KLHDC8A: variants seen among roughly 807,000 people sequenced by gnomAD.
KLHDC8A encodes kelch domain-containing protein 8A.
A neutral mutation model predicts 33.1 loss-of-function variants in KLHDC8A; 21 were observed. The observed-to-expected ratio is 0.64, with a 90% CI of 0.45 to 0.91. The LOEUF is 0.91. KLHDC8A is among the 40% of genes least tolerant of loss of function. The probability of loss-of-function intolerance (pLI) is 0.00; values close to 1 mark genes in which losing one functional copy is unlikely to be tolerated. For missense variants in KLHDC8A, 435 were observed against 483.3 expected, an observed-to-expected ratio of 0.90 and a Z score of 0.94; for synonymous variants, 173 against 193.5, an observed-to-expected ratio of 0.89 and a Z score of 0.88.
At chr1:205,343,899 C>A (rs948635111) in intron 1 of KLHDC8A, 106 bp from the exon 2 acceptor site, 7 of 378,850 alleles carry the variant, frequency 1.8e-5, no homozygotes, top group African/African-American at 1.5e-4. Flanking sequence ...GAAGACGCGG[C>A]GGCGGAGGGC....
chr1:205,349,568 C>T (rs1477181537), intron 1 of KLHDC8A, among the ~76,000 whole-genome samples: 1 of 152,238 alleles, frequency 6.6e-6, no homozygotes, highest in East Asian at 1.9e-4. Context: ...ACACGCTCCT[C>T]TGCTGTTTAG....
chr1:205,337,454 C>T lies in KLHDC8A; in HGVS notation c.998G>A (p.Gly333Asp). 6.2e-7 allele frequency: 1 copy of T among 1,613,982 alleles called. No homozygotes were observed. The highest frequency in any genetic ancestry group is 8.5e-7 in the Non-Finnish European group (1 of 1,180,014). Residue 333 changes from glycine (G) to aspartate (D), a missense_variant, in exon 6 of 6, where the codon GGT (glycine) becomes GAT (aspartate). Coordinates refer to ENST00000367155, the MANE Select transcript of KLHDC8A (RefSeq NM_018203.3). ...VVKNCLLAVGGVNQGLSDAVE... is the reference protein window; with the variant it reads ...VVKNCLLAVGDVNQGLSDAVE... ...TGCGTCACTCAGACCCTGGTTGACA[C>T]CTCCCACGGCGAGGAGGCAGTTCTT...
In KLHDC8A at chr1:205,343,410, C is replaced by T. The variant is rs140213604; in HGVS notation, c.195G>A (p.Leu65=). The stretch of plus-strand genomic sequence containing the variant: ...CGGCCACCCCCGCCCGGGCTGTGGG[C>T]AGCCGGGGCAAGGCGGTCCACTGGT... ...EADQWTALPR[L]PTARAGVAVT... is the part of the protein sequence containing the mutation. The change falls in exon 2 of 6, where the codon CTG becomes CTA. Residue 65 remains leucine, a synonymous_variant. Coordinates refer to ENST00000367155, the MANE Select transcript of KLHDC8A (RefSeq NM_018203.3). 14 of 1,613,210 alleles carry T rather than the reference C, an allele frequency of 8.7e-6. No individual in the cohort carries two copies. In the Admixed American group the frequency reaches 2.2e-4, roughly 25 times the overall value.
intron 1 of KLHDC8A, chr1:205,351,447 C>T: frequency 1.3e-6 from 1 of 791,918 alleles, no homozygotes; most frequent in Admixed American, 1.7e-5. Context: ...GAAATAGTAT[C>T]ATCATGTTAG....
Position 205,343,612 on chromosome 1 carries a change from T to C in KLHDC8A, c.-8A>G, listed in dbSNP as rs777138865. ...GACGTTAGGCACCTCCATGGCAGCCTTGGGGAGCGCCCGGGCGCCGGGAGA... is the reference window on the plus strand; with the variant it reads ...GACGTTAGGCACCTCCATGGCAGCCCTGGGGAGCGCCCGGGCGCCGGGAGA... On this transcript the variant is annotated 5_prime_UTR_variant, in exon 2 of 6. Transcript: ENST00000367155. 18 of 1,563,108 alleles carry C rather than the reference T, an allele frequency of 1.2e-5. No homozygotes were observed. The highest frequency in any genetic ancestry group is 1.9e-5 in the Admixed American group (1 of 52,960).
At chr1:205,346,546 T>C (rs1384751933) in intron 1 of KLHDC8A, among the ~76,000 whole-genome samples, 1 of 152,122 alleles carries the variant, frequency 6.6e-6, no homozygotes, top group Admixed American at 6.5e-5. Context: ...GTTGAGATCA[T>C]CTAAGCCCTT....
chr1:205,343,507 AC>A lies in KLHDC8A; in HGVS notation c.97del (p.Val33SerfsTer51), dbSNP rs751903320. The A allele has an allele frequency of 2.9e-5, 46 of 1,613,170 alleles. No individual in the cohort carries two copies. In the East Asian group the frequency reaches 1.0e-3, roughly 36 times the overall value. ...YCSLLETGGQ[V>X]YAIGGCDDNG... ...GTCGTCACATCCCCCGATGGCATAGACCTGGCCCCCGGTCTCCAGCAGGGAG... is the reference window on the plus strand; with the variant it reads ...GTCGTCACATCCCCCGATGGCATAGACTGGCCCCCGGTCTCCAGCAGGGAG... On this transcript the variant is annotated frameshift_variant, in exon 2 of 6. Coordinates refer to ENST00000367155, the MANE Select transcript of KLHDC8A (RefSeq NM_018203.3). LOFTEE classifies it high-confidence loss of function.
chr1:205,347,922 T>A (rs891697611), intron 1 of KLHDC8A, among the ~76,000 whole-genome samples: 1 of 152,160 alleles, frequency 6.6e-6, no homozygotes, highest in African/African-American at 2.4e-5. Flanking sequence ...GTTTTGTTTC[T>A]TTTTAAAAAG....
At chr1:205,351,020 C>T (rs1398457206) in intron 1 of KLHDC8A, among the ~76,000 whole-genome samples, 1 of 152,190 alleles carries the variant, frequency 6.6e-6, no homozygotes, top group East Asian at 1.9e-4. Flanking sequence ...GGCCTGCTCA[C>T]CCTCACCGGA....
chr1:205,338,731 G>A, intron 4 of KLHDC8A, 135 bp from the exon 5 acceptor site: 1 of 666,366 alleles, frequency 1.5e-6, no homozygotes, highest in East Asian at 2.8e-5. Context: ...TGCTTGGGGA[G>A]TACACAGTTC....
At position 205,343,736 on chromosome 1, in the gene KLHDC8A, C is replaced by T; in HGVS notation, c.-132G>A. 1 of 977,730 alleles carries T rather than the reference C, an allele frequency of 1.0e-6. No individual in the cohort carries two copies. Among genetic ancestry groups the T allele is most frequent in the Non-Finnish European group, 1.5e-6 (1 of 682,492 alleles). The allele number at this position is 977,730 out of a possible 1,614,324, so 60.6% of individuals were successfully genotyped here. A position where few individuals can be genotyped will look rare whatever the true frequency, so the allele number is the denominator to read the frequency against. On this transcript the variant is annotated 5_prime_UTR_variant, in exon 2 of 6. Transcript: ENST00000367155. ...CCGAGCGCCGGACCCAGCCAGACCC[C>T]GGCCAGTGCTTCACCGTGCCCCGAG...
rs115545333 is a variant in KLHDC8A, at chr1:205,344,835, A to T, written c.-189-1042T>A. On this transcript the variant is annotated intron_variant, in intron 1 of 5. Transcript: ENST00000367155. The stretch of plus-strand genomic sequence containing the variant: ...ACAGAGACACTGACCAGTGATGCAC[A>T]GACAGACATGTGGACACAGCCAGAG... Among the ~76,000 whole-genome samples, 956 of 152,188 alleles carry T rather than the reference A, an allele frequency of 6.3e-3. 8 individuals carry two copies. The highest frequency in any genetic ancestry group is 0.021 in the African/African-American group (873 of 41,510).
chr1:205,346,311 T>C (rs1662945392), intron 1 of KLHDC8A, among the ~76,000 whole-genome samples: 1 of 152,216 alleles, frequency 6.6e-6, no homozygotes, highest in Non-Finnish European at 1.5e-5. Flanking sequence ...TTACCTCAGC[T>C]TGAACTGTCT....
Position 205,343,702 on chromosome 1 carries a change from A to G in KLHDC8A, c.-98T>C. ...TCCCACGGCCCCTATCGCCACCTCC[A>G]TCTGGCTCCCGAGCGCCGGACCCAG... On this transcript the variant is annotated 5_prime_UTR_variant, in exon 2 of 6. The change abolishes an upstream ATG in the 5' untranslated region. Transcript: ENST00000367155. The G allele has an allele frequency of 1.4e-5, 19 of 1,325,318 alleles. No homozygotes were observed. The highest frequency in any genetic ancestry group is 1.9e-5 in the Non-Finnish European group (19 of 992,598). The allele number at this position is 1,325,318 out of a possible 1,614,324, so 82.1% of individuals were successfully genotyped here. A position where few individuals can be genotyped will look rare whatever the true frequency, so the allele number is the denominator to read the frequency against.
Position 205,339,142 on chromosome 1 carries a change from G to T in KLHDC8A, c.757+52C>A. ...AATAGGGGTAAGGGATGGGGAGCCA[G>T]CCAGAAGGGCAGTGGGCAGCCAGAG... On this transcript the variant is annotated intron_variant, in intron 4 of 5. Coordinates refer to ENST00000367155, the MANE Select transcript of KLHDC8A (RefSeq NM_018203.3). The surrounding 1 kb of genome is among the most constrained non-coding windows in gnomAD (Gnocchi z 5.1). The T allele has an allele frequency of 1.3e-6, 2 of 1,502,924 alleles. No homozygotes were observed. The highest frequency in any genetic ancestry group is 1.8e-6 in the Non-Finnish European group (2 of 1,084,808). 93.1% of individuals were successfully genotyped at this position (1,502,924 alleles called of 1,614,324 possible).
At position 205,336,748 on chromosome 1, in the gene KLHDC8A, C is replaced by T. The variant is rs940881052; in HGVS notation, c.*651G>A. 2.0e-5 allele frequency: 3 copies of T among 152,834 alleles called. No homozygotes were observed. Among genetic ancestry groups the T allele is most frequent in the Non-Finnish European group, 4.4e-5 (3 of 68,460 alleles). 9.5% of individuals were successfully genotyped at this position (152,834 alleles called of 1,614,324 possible). ...ACCCAGGGCTGGGAGACTGCTCCTT[C>T]CCCATCACACATGCCCATCAAGGAC... is the stretch of plus-strand genomic sequence containing the variant. On this transcript the variant is annotated 3_prime_UTR_variant, in exon 6 of 6. Transcript: ENST00000367155.
At chr1:205,338,009 G>A (rs1662681895) in intron 5 of KLHDC8A, among the ~76,000 whole-genome samples, 1 of 152,194 alleles carries the variant, frequency 6.6e-6, no homozygotes. Context: ...TGATGATGGG[G>A]AACTTCTCGC....
chr1:205,348,113 A>G (rs192327302), intron 1 of KLHDC8A, among the ~76,000 whole-genome samples: 44 of 151,860 alleles, frequency 2.9e-4, no homozygotes, highest in Admixed American at 2.8e-3. Flanking sequence ...CTCAGTCTCT[A>G]TTGTCTGGTA....
At chr1:205,346,753 C>A (rs553173147) in intron 1 of KLHDC8A, among the ~76,000 whole-genome samples, 1 of 152,260 alleles carries the variant, frequency 6.6e-6, no homozygotes, top group Middle Eastern at 3.4e-3. Flanking sequence ...ACAATTAAAT[C>A]ACAAATTAAA....
Sources: gnomAD v4.1 joint callset for allele counts (sites outside exome capture counted in the v4.1 genomes callset) on GRCh38, gnomAD v4.1.1 for gene constraint, Gnocchi (gnomAD v3.1) non-coding constraint, MANE v1.5 for transcripts, NCBI Gene and HGNC (gene_info 2026-07-23, HGNC 2026-07-21) for gene names.